The following FAM13C variants were observed in gnomAD, a reference collection of about 807,000 sequenced individuals.
FAM13C encodes protein FAM13C.
A neutral mutation model predicts 73.2 loss-of-function variants in FAM13C; 37 were observed. The ratio of observed to expected loss-of-function variants is 0.51; its 90% confidence interval spans 0.39 to 0.67. The LOEUF (loss-of-function observed/expected upper bound fraction) is 0.67, where lower values mean the gene tolerates loss of function less well. FAM13C is among the 30% of genes least tolerant of loss of function. The probability of loss-of-function intolerance (pLI) is 0.00; values close to 1 mark genes in which losing one functional copy is unlikely to be tolerated. For missense variants in FAM13C, 589 were observed against 715.6 expected (o/e 0.82, Z 2.02); for synonymous variants, 246 against 260.9 (o/e 0.94, Z 0.55).
chr10:59,292,769 T>C (rs1207228127), intron 5 of FAM13C, among the ~76,000 whole-genome samples: 1 of 152,224 alleles, frequency 6.6e-6, no homozygotes, highest in Non-Finnish European at 1.5e-5. Context: ...TGAGTTTTGA[T>C]ACATACATAG....
At chr10:59,319,520 C>T (rs948441518) in intron 4 of FAM13C, among the ~76,000 whole-genome samples, 4 of 152,160 alleles carry the variant, frequency 2.6e-5, no homozygotes, top group African/African-American at 9.7e-5. Flanking sequence ...AGTAAGAATT[C>T]CCCAACTGCA....
At chr10:59,360,994 C>T (rs532997602) in intron 1 of FAM13C, 16 of 1,287,334 alleles carry the variant, frequency 1.2e-5, no homozygotes, top group Non-Finnish European at 1.6e-5. Flanking sequence ...GCACTTAGTA[C>T]TTTAAGCACA....
chr10:59,347,321 C>G (rs1021769074), intron 3 of FAM13C, among the ~76,000 whole-genome samples: 1 of 152,248 alleles, frequency 6.6e-6, no homozygotes, highest in East Asian at 1.9e-4. Context: ...TCCTCCACCC[C>G]ACCCATGGTT....
At chr10:59,278,885 T>C (rs1759147371) in intron 6 of FAM13C, among the ~76,000 whole-genome samples, 1 of 152,110 alleles carries the variant, frequency 6.6e-6, no homozygotes, top group African/African-American at 2.4e-5. Flanking sequence ...TTCTAAAAGA[T>C]ATTTGGAAAT....
intron 3 of FAM13C, among the ~76,000 whole-genome samples, chr10:59,326,003 T>G (rs1401806112): frequency 6.6e-6 from 1 of 152,136 alleles, no homozygotes. Context: ...AATGCCCATT[T>G]TATTAAAACC....
intron 10 of FAM13C, among the ~76,000 whole-genome samples, chr10:59,255,626 G>T (rs1033018710): frequency 6.6e-6 from 1 of 152,002 alleles, no homozygotes; most frequent in Non-Finnish European, 1.5e-5. Context: ...AATCACCCAG[G>T]CATCTTTTAT....
At chr10:59,321,432 C>CTTTTT (rs1057110939) in intron 4 of FAM13C, among the ~76,000 whole-genome samples, 2 of 58,060 alleles carry the variant, frequency 3.4e-5, no homozygotes, top group Non-Finnish European at 7.0e-5. Flanking sequence ...CTGCCAACAC[C>CTTTTT]TTTTTTTTTT....
At position 59,255,554 on chromosome 10, in the gene FAM13C, T is replaced by C. The variant is rs141270414; in HGVS notation, c.1237-1111A>G. Among the ~76,000 whole-genome samples, 305 of 152,228 alleles carry C rather than the reference T, an allele frequency of 2.0e-3. 4 individuals are homozygous for C. The highest frequency in any genetic ancestry group is 0.014 in the East Asian group (73 of 5,166). On this transcript the variant is annotated intron_variant, in intron 10 of 13. Transcript: ENST00000618804. ...AGTACACATAACCTCCCTTTTACTCTAGTCCAGTGATATACACTTGGCAAG... is the reference window on the plus strand; with the variant it reads ...AGTACACATAACCTCCCTTTTACTCCAGTCCAGTGATATACACTTGGCAAG...
intron 9 of FAM13C, 106 bp from the exon 10 acceptor site, chr10:59,262,751 A>T (rs1842639982): frequency 2.2e-6 from 2 of 925,758 alleles, no homozygotes; most frequent in South Asian, 3.3e-5. Context: ...TGTAGAAATG[A>T]ACACTAATGA....
chr10:59,344,691 T>C (rs1854062784), intron 3 of FAM13C, among the ~76,000 whole-genome samples: 3 of 152,104 alleles, frequency 2.0e-5, no homozygotes, highest in South Asian at 4.1e-4. Context: ...AGTTTAAAGA[T>C]AGGAAAAATG....
intron 6 of FAM13C, 63 bp from the exon 7 acceptor site, chr10:59,270,172 C>A: frequency 1.3e-6 from 2 of 1,500,702 alleles, no homozygotes; most frequent in Non-Finnish European, 1.8e-6. Context: ...CTGTCATGTT[C>A]CTAAATAAAG....
chr10:59,331,377 G>T (rs1477735659), intron 3 of FAM13C, among the ~76,000 whole-genome samples: 2 of 152,174 alleles, frequency 1.3e-5, no homozygotes, highest in Non-Finnish European at 2.9e-5. Flanking sequence ...ATGTGTAAGT[G>T]AGAGCATGGA....
chr10:59,362,409 T>C lies in FAM13C; in HGVS notation c.52A>G (p.Thr18Ala), dbSNP rs1856528126. The change falls in exon 1 of 14, where the codon ACT becomes GCT. Residue 18 changes from threonine to alanine, a missense_variant. Thr to Ala is a moderately conservative substitution (Grantham distance 58, BLOSUM62 0). Transcript: ENST00000618804. Reference sequence around the variant, plus strand: ...GTAAGAATCACTTACTCTGTTACAGTGGTGCTGCTGAAGGAATTATCCTGA... The same window carrying C: ...GTAAGAATCACTTACTCTGTTACAGCGGTGCTGCTGAAGGAATTATCCTGA... ...SLQDNSFSST[T>A]VTECDEDPVS... The C allele has an allele frequency of 1.2e-6, 2 of 1,614,006 alleles. No individual in the cohort carries two copies. The highest frequency in any genetic ancestry group is 1.7e-6 in the Non-Finnish European group (2 of 1,179,964).
At chr10:59,330,295 A>G (rs1851804309) in intron 3 of FAM13C, among the ~76,000 whole-genome samples, 1 of 152,172 alleles carries the variant, frequency 6.6e-6, no homozygotes, top group African/African-American at 2.4e-5. Flanking sequence ...ACCCAAACCC[A>G]GAGTTCTTTC....
At chr10:59,284,681 G>A (rs1366890211) in intron 5 of FAM13C, among the ~76,000 whole-genome samples, 2 of 146,474 alleles carry the variant, frequency 1.4e-5, no homozygotes, top group Non-Finnish European at 1.5e-5. Flanking sequence ...CCACACAGAC[G>A]CTCATACCAA....
At chr10:59,268,776 G>T in intron 7 of FAM13C, 85 bp from the exon 8 acceptor site, 1 of 1,495,688 alleles carries the variant, frequency 6.7e-7, no homozygotes, top group Non-Finnish European at 8.9e-7. Flanking sequence ...CAAAATTCCT[G>T]GATTGTCAGA....
intron 6 of FAM13C, among the ~76,000 whole-genome samples, chr10:59,278,324 A>C (rs1379741272): frequency 1.3e-5 from 2 of 152,190 alleles, no homozygotes; most frequent in Non-Finnish European, 2.9e-5. Flanking sequence ...TGATAATGAA[A>C]ACTATATCAT....
At chr10:59,360,179 G>T (rs1057060335) in intron 1 of FAM13C, among the ~76,000 whole-genome samples, 12 of 152,126 alleles carry the variant, frequency 7.9e-5, no homozygotes, top group African/African-American at 2.2e-4. Flanking sequence ...ACCATAACAG[G>T]TTAGAAAATA....
At chr10:59,262,115 C>T (rs1305826785) in intron 10 of FAM13C, among the ~76,000 whole-genome samples, 1 of 152,066 alleles carries the variant, frequency 6.6e-6, no homozygotes, top group Non-Finnish European at 1.5e-5. Context: ...AGGCACTATG[C>T]CTATTTCCTA....
Sources: allele counts gnomAD v4.1 joint callset (sites outside exome capture counted in the v4.1 genomes callset), GRCh38; gene constraint gnomAD v4.1.1; transcripts MANE v1.5; gene names NCBI Gene and HGNC (gene_info 2026-07-23, HGNC 2026-07-21).